The following SFTPD variants were observed in gnomAD, a reference collection of about 807,000 sequenced individuals.
SFTPD encodes the protein surfactant protein D.
SFTPD carries 18 observed loss-of-function variants against 34.6 expected under a neutral mutation model. The observed-to-expected ratio is 0.52, with a 90% CI of 0.36 to 0.77. The LOEUF is 0.77. Ranked by LOEUF, SFTPD falls within the 30% of genes least tolerant of loss-of-function variation. The pLI is 0.00. For missense variants in SFTPD, 433 were observed against 468.9 expected (o/e 0.92, Z 0.71); for synonymous variants, 155 against 180.9 (o/e 0.86, Z 1.15).
At chr10:79,951,833 C>G (rs1221405294), upstream of SFTPD, among the ~76,000 whole-genome samples, 1 of 152,144 alleles carries the variant, frequency 6.6e-6, no homozygotes, top group African/African-American at 2.4e-5. Context: ...CTGAGGGGCA[C>G]TAAACGACCA....
At chr10:79,938,684 C>G (rs1054464811) in intron 7 of SFTPD, among the ~76,000 whole-genome samples, 19 of 152,170 alleles carry the variant, frequency 1.2e-4, no homozygotes, top group Admixed American at 1.2e-3. Flanking sequence ...TGCAGTTAGC[C>G]CACTGTCACC....
intron 1 of SFTPD, among the ~76,000 whole-genome samples, chr10:79,977,325 C>A (rs558111740): frequency 1.3e-5 from 2 of 152,328 alleles, no homozygotes; most frequent in South Asian, 4.1e-4. Context: ...AAACAAGCCC[C>A]AGCTGAAACC....
At chr10:79,966,422 A>T (rs2132518145) in intron 1 of SFTPD, among the ~76,000 whole-genome samples, 1 of 80,378 alleles carries the variant, frequency 1.2e-5, no homozygotes, top group South Asian at 5.9e-4. Context: ...CCACTTTTTG[A>T]TGGGGTTGTT....
rs764018518 is a variant in SFTPD, at chr10:79,942,765, C to A, written c.314G>T (p.Ser105Ile). The change falls in exon 3 of 8, where the codon AGT becomes ATT. Residue 105 changes from serine (S) to isoleucine (I), a missense_variant and splice_region_variant. Coordinates refer to ENST00000372292, the MANE Select transcript of SFTPD (RefSeq NM_003019.5). ...EPGPKGDTGP[S>I]GPPGPPGVPG... ...GAAGTCGACACCCAGTTGCTCACCA[C>A]TTGGCCCAGTGTCTCCCTTTGGTCC... 1 of 1,600,192 alleles carries A rather than the reference C, an allele frequency of 6.2e-7. No individual in the cohort carries two copies. The highest frequency in any genetic ancestry group is 8.6e-7 in the Non-Finnish European group (1 of 1,167,250).
chr10:79,952,251 C>G (rs1842714522), upstream of SFTPD, among the ~76,000 whole-genome samples: 1 of 152,250 alleles, frequency 6.6e-6, no homozygotes, highest in Admixed American at 6.5e-5. Context: ...GCAGGCACCC[C>G]ATCAATGGGA....
At chr10:79,951,272 T>C (rs1206176017), upstream of SFTPD, among the ~76,000 whole-genome samples, 1 of 152,218 alleles carries the variant, frequency 6.6e-6, no homozygotes, top group Non-Finnish European at 1.5e-5. Context: ...TTTTTCGTAC[T>C]TCCAGAGTGC....
At chr10:79,962,451 A>G (rs955085233) in intron 1 of SFTPD, among the ~76,000 whole-genome samples, 6 of 152,138 alleles carry the variant, frequency 3.9e-5, no homozygotes, top group African/African-American at 1.4e-4. Flanking sequence ...ATATACTTAC[A>G]TACAAAATAT....
rs763314044 is a variant in SFTPD, at chr10:79,946,450, C to T, written c.199+11G>A. On this transcript the variant is annotated intron_variant, in intron 2 of 7. Coordinates refer to ENST00000372292, the MANE Select transcript of SFTPD (RefSeq NM_003019.5). ...CCTCCCCAGCAGGATAAGCCCAGGG[C>T]CCCACCCTACCTGGGTCCCCCTTCT... 284 of 1,603,990 alleles carry T rather than the reference C, an allele frequency of 1.8e-4. No individual in the cohort carries two copies. The highest frequency in any genetic ancestry group is 2.4e-4 in the Non-Finnish European group (278 of 1,171,352).
rs535748093 is a variant in SFTPD at position 79,980,771 on chromosome 10, C to A, written c.36+1804G>T. 6.6e-5 allele frequency among the ~76,000 whole-genome samples: 10 copies of A among 152,334 alleles called. No individual in the cohort carries two copies. In the East Asian group the frequency reaches 1.9e-3, roughly 29 times the overall value. On this transcript the variant is annotated intron_variant, in intron 1 of 5. Transcript: ENST00000444384. Reference sequence around the variant, plus strand: ...TCACAGCATTACTGAGTTTGGGGTTCCCCCTATTGTGTATTTGGCTGCAGT... The same window carrying A: ...TCACAGCATTACTGAGTTTGGGGTTACCCCTATTGTGTATTTGGCTGCAGT...
intron 2 of SFTPD, among the ~76,000 whole-genome samples, chr10:79,943,659 G>A (rs1842638213): frequency 2.6e-5 from 4 of 152,192 alleles, no homozygotes; most frequent in Non-Finnish European, 5.9e-5. Flanking sequence ...CTGGATGGGT[G>A]GAAGAATCTG....
At chr10:79,982,262 G>A (rs1210948772) in intron 1 of SFTPD, 3 of 946,594 alleles carry the variant, frequency 3.2e-6, no homozygotes, top group Middle Eastern at 3.9e-4. Flanking sequence ...GGGCGGCGGC[G>A]GGGGCGCTCG....
chr10:79,942,002 G>A lies in SFTPD; in HGVS notation c.502C>T (p.Arg168Ter), dbSNP rs200684113. 6.2e-6 allele frequency: 10 copies of A among 1,613,908 alleles called. No homozygotes were observed. Among genetic ancestry groups the A allele is most frequent in the South Asian group, 2.2e-5 (2 of 91,082 alleles). Residue 168 changes from arginine to a stop codon, truncating the protein, a stop_gained, in exon 5 of 8, where the codon CGA (arginine) becomes TGA (stop). Coordinates refer to ENST00000372292, the MANE Select transcript of SFTPD (RefSeq NM_003019.5). LOFTEE classifies it high-confidence loss of function. ...ARGLAGPKGE[R>*]GVPGERGVPG... is the part of the protein sequence containing the mutation. ...ACTCCACGCTCACCAGGGACACCTCGCTCTCCCTTAGGGCCTGCGAGGCCT... is the reference window on the plus strand; with the variant it reads ...ACTCCACGCTCACCAGGGACACCTCACTCTCCCTTAGGGCCTGCGAGGCCT...
chr10:79,941,682 C>T lies in SFTPD; in HGVS notation c.551-168G>A, dbSNP rs1242279334. The T allele has an allele frequency of 1.1e-5, 7 of 634,210 alleles. No homozygotes were observed. In the East Asian group the frequency reaches 1.6e-4, roughly 15 times the overall value. 39.3% of individuals were successfully genotyped at this position (634,210 alleles called of 1,614,324 possible). ...CCTGTACACTGACTGTCCCTGTCAC[C>T]CAGCAATCAACCCCGCTGTGGAAAA... On this transcript the variant is annotated intron_variant, in intron 5 of 7. Transcript: ENST00000372292.
At chr10:79,939,639 T>C (rs1842592369) in intron 7 of SFTPD, among the ~76,000 whole-genome samples, 1 of 152,200 alleles carries the variant, frequency 6.6e-6, no homozygotes, top group East Asian at 1.9e-4. Context: ...CTCTGTGTGT[T>C]TCTGTCACTG....
At position 79,941,425 on chromosome 10, in the gene SFTPD, C is replaced by T. The variant is rs1842609845; in HGVS notation, c.640G>A (p.Gly214Arg). ...GGAAGCCCACTTTCTCCCTTTGCTCCTTTGTCTCCAGGAATGCCTTTGTCC... is the reference window on the plus strand; with the variant it reads ...GGAAGCCCACTTTCTCCCTTTGCTCTTTTGTCTCCAGGAATGCCTTTGTCC... ...KGDKGIPGDK[G>R]AKGESGLPDV... Residue 214 changes from glycine (G) to arginine (R), a missense_variant, in exon 6 of 8, where the codon GGA (glycine) becomes AGA (arginine). Coordinates refer to ENST00000372292, the MANE Select transcript of SFTPD (RefSeq NM_003019.5). 4 of 1,614,104 alleles carry T rather than the reference C, an allele frequency of 2.5e-6. No individual in the cohort carries two copies. The highest frequency in any genetic ancestry group is 3.4e-6 in the Non-Finnish European group (4 of 1,179,960).
intron 1 of SFTPD, among the ~76,000 whole-genome samples, chr10:79,975,603 C>G (rs1464304788): frequency 6.6e-6 from 1 of 152,144 alleles, no homozygotes; most frequent in Admixed American, 6.5e-5. Flanking sequence ...CGGGGAGACC[C>G]TAACCCAGCG....
intron 1 of SFTPD, among the ~76,000 whole-genome samples, chr10:79,957,179 G>A (rs1267957247): frequency 6.8e-6 from 1 of 147,148 alleles, no homozygotes; most frequent in Admixed American, 7.0e-5. Flanking sequence ...ACCAAAAGTA[G>A]ATAAAACCAC....
chr10:79,977,314 C>A (rs1303378386), intron 1 of SFTPD, among the ~76,000 whole-genome samples: 2 of 152,250 alleles, frequency 1.3e-5, no homozygotes, highest in Admixed American at 1.3e-4. Context: ...GCTCTGCTCA[C>A]AAACAAGCCC....
chr10:79,941,477 A>T lies in SFTPD; in HGVS notation c.588T>A (p.Gly196=). The part of the protein sequence containing the change: ...AGAMGPQGSP[G]ARGPPGLKGD... ...CCTTCAATCCCGGGGGTCCCCTGGC[A>T]CCTGGACTTCCCTGGGGACCCATGG... The change falls in exon 6 of 8, where the codon GGT becomes GGA. Residue 196 remains glycine (G), a synonymous_variant. Transcript: ENST00000372292. The T allele has an allele frequency of 6.2e-7, 1 of 1,612,588 alleles. No individual in the cohort carries two copies.
Sources: gnomAD v4.1 joint callset for allele counts (sites outside exome capture counted in the v4.1 genomes callset) on GRCh38, gnomAD v4.1.1 for gene constraint, MANE v1.5 for transcripts, NCBI Gene and HGNC (gene_info 2026-07-23, HGNC 2026-07-21) for gene names.